Variants in NBAS observed in about 807,000 individuals in gnomAD.
NBAS encodes NBAS subunit of NRZ tethering complex, also known as NAG/BC035112 fusion.
In NBAS, 219 loss-of-function variants were observed where a neutral mutation model predicts 302.5. That is an observed-to-expected ratio of 0.72 (90% CI 0.65 to 0.81). NBAS has a LOEUF of 0.81. Ranked by LOEUF, NBAS falls within the 30% of genes least tolerant of loss-of-function variation. The pLI, the probability that NBAS is intolerant of heterozygous loss-of-function variation, is 0.00. For missense variants in NBAS, 2,932 were observed against 2,841.6 expected (o/e 1.03, Z -0.72); for synonymous variants, 1,118 against 1,021.6 (o/e 1.09, Z -1.80).
intron 10 of NBAS, 99 bp from the exon 11 acceptor site, chr2:15,504,312 A>AT: frequency 3.1e-6 from 3 of 974,852 alleles, no homozygotes; most frequent in Non-Finnish European, 3.2e-6. Flanking sequence ...CAAATCTAGT[A>AT]TTTTTTTAAT....
At chr2:15,138,213 G>C in the NBAS span, among the ~76,000 whole-genome samples, 2 of 152,260 alleles carry the variant, frequency 1.3e-5, no homozygotes, top group Admixed American at 1.3e-4. Context: ...AAATCCAGGA[G>C]AAACAGCATG....
chr2:15,509,425 A>C (rs957455061), intron 10 of NBAS, among the ~76,000 whole-genome samples: 6 of 152,190 alleles, frequency 3.9e-5, no homozygotes, highest in African/African-American at 1.4e-4. Context: ...TATCCACAGT[A>C]CTGCATAAGC....
intron 44 of NBAS, among the ~76,000 whole-genome samples, chr2:15,272,610 A>T (rs999153896): frequency 5.9e-5 from 9 of 152,234 alleles, no homozygotes; most frequent in African/African-American, 2.2e-4. Flanking sequence ...TAGACTAAAG[A>T]TGTAAATTTT....
chr2:15,237,480 G>A (rs893526800), intron 45 of NBAS, among the ~76,000 whole-genome samples: 1 of 151,516 alleles, frequency 6.6e-6, no homozygotes, highest in Non-Finnish European at 1.5e-5. Context: ...AAGGGTATAC[G>A]TTTAACAAAA....
At chr2:15,090,766 G>A in the NBAS span, among the ~76,000 whole-genome samples, 1 of 152,310 alleles carries the variant, frequency 6.6e-6, no homozygotes, top group South Asian at 2.1e-4. Flanking sequence ...GCCATAGGAA[G>A]CAAGAGGTCT....
At chr2:14,900,169 C>T in the NBAS span, among the ~76,000 whole-genome samples, 2 of 151,382 alleles carry the variant, frequency 1.3e-5, no homozygotes, top group Admixed American at 1.3e-4. Context: ...AAGACCTACC[C>T]ATTTGCTCAG....
chr2:14,913,604 C>A, the NBAS span, among the ~76,000 whole-genome samples: 1 of 152,132 alleles, frequency 6.6e-6, no homozygotes, highest in Admixed American at 6.5e-5. Context: ...CATTAATGAA[C>A]TTTAAGCAAA....
rs747173396 is a variant in NBAS, at chr2:15,424,394, C to T, written c.2498G>A (p.Arg833Lys). ...YAAQPELLRF[R>K]MTQLTVEKVM... ...CTTCTCCACCGTAAGCTGGGTCATC[C>T]TGAACCTTAGTAACTCAGGCTGTGC... The change falls in exon 23 of 52, where the codon AGG (arginine) becomes AAG (lysine). Residue 833 changes from arginine (R) to lysine (K), a missense_variant. Physicochemically the swap from Arg to Lys is conservative, Grantham distance 26. Coordinates refer to ENST00000281513, the MANE Select transcript of NBAS (RefSeq NM_015909.4). 3.7e-6 allele frequency: 6 copies of T among 1,614,030 alleles called. No individual in the cohort carries two copies. In the African/African-American group the frequency reaches 4.0e-5, roughly 11 times the overall value.
chr2:15,215,813 C>T (rs1448192546), intron 48 of NBAS, among the ~76,000 whole-genome samples: 1 of 152,168 alleles, frequency 6.6e-6, no homozygotes, highest in Non-Finnish European at 1.5e-5. Context: ...CCCCCAAATT[C>T]TAAAACTAGT....
intron 21 of NBAS, among the ~76,000 whole-genome samples, chr2:15,438,294 A>G (rs1361607025): frequency 2.0e-5 from 3 of 152,224 alleles, no homozygotes; most frequent in Non-Finnish European, 4.4e-5. Context: ...GATTAAATAA[A>G]TCATATGTTA....
chr2:14,832,938 A>T, the NBAS span, among the ~76,000 whole-genome samples: 1 of 152,132 alleles, frequency 6.6e-6, no homozygotes, highest in Non-Finnish European at 1.5e-5. Context: ...ACCTCGTTGG[A>T]TAGTTATGAC....
the NBAS span, among the ~76,000 whole-genome samples, chr2:15,159,685 G>T: frequency 6.6e-6 from 1 of 152,068 alleles, no homozygotes; most frequent in Non-Finnish European, 1.5e-5. Context: ...TCTGGAGATT[G>T]GTTGCACAGC....
the NBAS span, among the ~76,000 whole-genome samples, chr2:15,043,304 T>A: frequency 6.6e-6 from 1 of 152,130 alleles, no homozygotes; most frequent in Admixed American, 6.5e-5. Flanking sequence ...TTAGCTTGGC[T>A]CCTAGTCCTG....
the NBAS span, among the ~76,000 whole-genome samples, chr2:14,909,245 G>A: frequency 1.3e-5 from 2 of 151,188 alleles, no homozygotes; most frequent in Non-Finnish European, 3.0e-5. Context: ...GCGTGAATCC[G>A]GGAGGCAGAG....
chr2:15,123,480 T>C, the NBAS span, among the ~76,000 whole-genome samples: 1 of 152,156 alleles, frequency 6.6e-6, no homozygotes, highest in South Asian at 2.1e-4. Flanking sequence ...GAAATGTTAC[T>C]AAAGGAACAT....
At chr2:15,338,674 T>TACACACACACACACACAC (rs70961409) in intron 35 of NBAS, among the ~76,000 whole-genome samples, 6 of 134,844 alleles carry the variant, frequency 4.4e-5, no homozygotes, top group Admixed American at 1.5e-4. Context: ...AACACACACA[T>TACACACACACACACACAC]ACACACACAC....
At chr2:15,383,633 T>C (rs1445331356) in intron 28 of NBAS, among the ~76,000 whole-genome samples, 1 of 152,188 alleles carries the variant, frequency 6.6e-6, no homozygotes, top group Non-Finnish European at 1.5e-5. Flanking sequence ...TGTGAGTTTC[T>C]AAGGTAAAAT....
At chr2:15,022,859 C>A in the NBAS span, among the ~76,000 whole-genome samples, 1 of 151,986 alleles carries the variant, frequency 6.6e-6, no homozygotes, top group Non-Finnish European at 1.5e-5. Flanking sequence ...TTTTAAAAAT[C>A]ATTTTTATTA....
intron 1 of NBAS, among the ~76,000 whole-genome samples, chr2:15,559,713 A>G (rs890625910): frequency 1.3e-5 from 2 of 152,234 alleles, no homozygotes; most frequent in African/African-American, 4.8e-5. Context: ...GCAGAAATCA[A>G]TTGAACTCCC....
Sources: allele counts gnomAD v4.1 joint callset (sites outside exome capture counted in the v4.1 genomes callset), GRCh38; gene constraint gnomAD v4.1.1; transcripts MANE v1.5; gene names NCBI Gene and HGNC (gene_info 2026-07-23, HGNC 2026-07-21).